The following TMEM243 variants were observed in gnomAD, a reference collection of about 807,000 sequenced individuals.
The protein encoded by TMEM243 is MDR1 and mitochondrial taxol resistance associated.
TMEM243 carries 20 observed loss-of-function variants against 15.0 expected under a neutral mutation model. That is an observed-to-expected ratio of 1.33 (90% CI 0.94 to 1.93). TMEM243 has a LOEUF of 1.93. Ranked by LOEUF, TMEM243 falls within the 30% of genes most tolerant of loss-of-function variation. The pLI is 0.00. For synonymous variants in TMEM243, 72 were observed against 52.7 expected (o/e 1.37, Z -1.59); for missense variants, 156 against 142.1 (o/e 1.10, Z -0.50).
Position 87,197,709 on chromosome 7 carries a change from T to TA in TMEM243, c.234+231_234+232insT, listed in dbSNP as rs1584511353. 3.6e-6 allele frequency: 4 copies of TA among 1,097,250 alleles called. No homozygotes were observed. In the East Asian group the frequency reaches 1.6e-4, roughly 45 times the overall value. The allele number at this position is 1,097,250 out of a possible 1,614,324, so 68.0% of individuals were successfully genotyped here. ...ACTAATTTTTTTTTTTTTTTTTTTT[T>TA]TTTTTTTAAGCTATCAAGGGAGTGG... On this transcript the variant is annotated intron_variant, in intron 3 of 3. Coordinates refer to ENST00000257637, the MANE Select transcript of TMEM243 (RefSeq NM_024315.4).
chr7:87,197,831 G>A (rs75771893), intron 3 of TMEM243, 110 bp downstream of exon 3: 83,754 of 1,565,940 alleles, frequency 0.053, 2,625 homozygotes, highest in Non-Finnish European at 0.06. Flanking sequence ...GGAGGATGAG[G>A]ATATAATTAA....
intron 1 of TMEM243, among the ~76,000 whole-genome samples, chr7:87,208,009 T>C (rs1286989775): frequency 6.6e-6 from 1 of 151,938 alleles, no homozygotes; most frequent in Admixed American, 6.6e-5. Flanking sequence ...TTCAATCATC[T>C]CCCACCGGGT....
chr7:87,209,613 A>C, intron 1 of TMEM243, among the ~76,000 whole-genome samples: 1 of 129,216 alleles, frequency 7.7e-6, no homozygotes, highest in African/African-American at 3.5e-5. Context: ...AGAGAGAGAC[A>C]GAGAGAGAGA....
rs34026359 is a variant in TMEM243, at chr7:87,197,716, T to TA, written c.234+224dup. The TA allele has an allele frequency of 6.7e-5, 8 of 119,032 alleles. No homozygotes were observed. In the Admixed American group the frequency reaches 1.8e-3, roughly 26 times the overall value. The allele number at this position is 119,032 out of a possible 1,614,324, so 7.4% of individuals were successfully genotyped here. A position where few individuals can be genotyped will look rare whatever the true frequency, so the allele number is the denominator to read the frequency against. On this transcript the variant is annotated intron_variant, in intron 3 of 3. Coordinates refer to ENST00000257637, the MANE Select transcript of TMEM243 (RefSeq NM_024315.4). ...TTTTTTTTTTTTTTTTTTTTTTTTT[T>TA]AAGCTATCAAGGGAGTGGAATTTCT...
In TMEM243 at chr7:87,196,613, G is replaced by A. The variant is rs1801264262; in HGVS notation, c.*23C>T. The A allele has an allele frequency of 1.2e-6, 2 of 1,605,616 alleles. No individual in the cohort carries two copies. The highest frequency in any genetic ancestry group is 1.7e-4 in the Middle Eastern group (1 of 6,036). ...TAATGTATCATTTTGAAGAGTCCTG[G>A]TAAGTACTTCTCCTTGGCAGCCTCA... On this transcript the variant is annotated 3_prime_UTR_variant, in exon 4 of 4. Coordinates refer to ENST00000257637, the MANE Select transcript of TMEM243 (RefSeq NM_024315.4).
upstream of TMEM243, among the ~76,000 whole-genome samples, chr7:87,219,927 C>T (rs960348296): frequency 1.8e-4 from 27 of 152,368 alleles, no homozygotes; most frequent in Admixed American, 4.6e-4. Context: ...GACTCCCACA[C>T]GTCGCCCCCC....
intron 1 of TMEM243, among the ~76,000 whole-genome samples, chr7:87,209,681 ACACAGCGAGAGAGC>A: frequency 1.6e-5 from 2 of 121,506 alleles, no homozygotes; most frequent in Non-Finnish European, 3.6e-5. Context: ...CGAGAGCGAG[ACACAGCGAGAGAGC>A]GAGACACAGT....
At chr7:87,203,081 CCCTCAGCT>C (rs1409934775) in intron 1 of TMEM243, 9 of 152,366 alleles carry the variant, frequency 5.9e-5, no homozygotes, top group African/African-American at 2.2e-4. Flanking sequence ...GCTAGCTCTG[CCCTCAGCT>C]CCTCAGCTCC....
At position 87,219,603 on chromosome 7, in the gene TMEM243, C is replaced by T. The variant is rs755783344; in HGVS notation, c.-100G>A. ...CTGCAAGCCTCCTCCTCACGGCTCC[C>T]GCATAGCCGAACCCGAGTGGTCGGG... On this transcript the variant is annotated 5_prime_UTR_variant, in exon 1 of 4. Transcript: ENST00000257637. 3.7e-6 allele frequency: 4 copies of T among 1,088,664 alleles called. No homozygotes were observed. The highest frequency in any genetic ancestry group is 5.1e-5 in the East Asian group (2 of 39,232). The allele number at this position is 1,088,664 out of a possible 1,614,324, so 67.4% of individuals were successfully genotyped here. A position where few individuals can be genotyped will look rare whatever the true frequency, so the allele number is the denominator to read the frequency against.
intron 1 of TMEM243, among the ~76,000 whole-genome samples, chr7:87,202,549 T>C (rs1801891577): frequency 6.6e-6 from 1 of 152,244 alleles, no homozygotes; most frequent in Non-Finnish European, 1.5e-5. Flanking sequence ...TCTGGAATGG[T>C]GGAAAGCAAG....
chr7:87,211,627 A>C (rs990641787), intron 1 of TMEM243, among the ~76,000 whole-genome samples: 1 of 152,262 alleles, frequency 6.6e-6, no homozygotes, highest in Admixed American at 6.5e-5. Context: ...AGGAAAAAGC[A>C]TAACGAGAGG....
At chr7:87,211,410 T>C (rs1198689114) in intron 1 of TMEM243, among the ~76,000 whole-genome samples, 2 of 152,182 alleles carry the variant, frequency 1.3e-5, no homozygotes, top group African/African-American at 4.8e-5. Context: ...CTTCCTACCA[T>C]TGTTTACCTG....
chr7:87,199,071 G>T lies in TMEM243; in HGVS notation c.79-14C>A, dbSNP rs750883553. On this transcript the variant is annotated splice_polypyrimidine_tract_variant and intron_variant, in intron 1 of 3. Transcript: ENST00000257637. ...GATGATTCGATCCTGAAAGAGAAAAGAATTTTTAAGCCATATGACTTGGAT... is the reference window on the plus strand; with the variant it reads ...GATGATTCGATCCTGAAAGAGAAAATAATTTTTAAGCCATATGACTTGGAT... The T allele has an allele frequency of 5.6e-6, 9 of 1,601,624 alleles. 1 individual carries two copies. In the Admixed American group the frequency reaches 1.4e-4, roughly 25 times the overall value.
chr7:87,202,323 G>A (rs1801877499), intron 1 of TMEM243, among the ~76,000 whole-genome samples: 1 of 152,072 alleles, frequency 6.6e-6, no homozygotes, highest in African/African-American at 2.4e-5. Context: ...GTTCATGAAA[G>A]GAATTCCACA....
At chr7:87,214,680 A>G (rs947215113) in intron 1 of TMEM243, among the ~76,000 whole-genome samples, 1 of 152,246 alleles carries the variant, frequency 6.6e-6, no homozygotes, top group Non-Finnish European at 1.5e-5. Flanking sequence ...AAACTTGGTT[A>G]TGGAATCACC....
At chr7:87,197,766 T>C (rs892220182) in intron 3 of TMEM243, 175 bp downstream of exon 3, 1 of 1,428,674 alleles carries the variant, frequency 7.0e-7, no homozygotes, top group Non-Finnish European at 9.2e-7. Context: ...CTTTGGGATT[T>C]AGGAGAAAAG....
rs763611604 is a variant in TMEM243 at position 87,199,061 on chromosome 7, A to C, written c.79-4T>G. 2 of 1,604,168 alleles carry C rather than the reference A, an allele frequency of 1.2e-6. No individual in the cohort carries two copies. The highest frequency in any genetic ancestry group is 1.1e-5 in the South Asian group (1 of 89,304). The stretch of plus-strand genomic sequence containing the variant: ...CAACTAAATTGATGATTCGATCCTG[A>C]AAGAGAAAAGAATTTTTAAGCCATA... On this transcript the variant is annotated splice_region_variant and splice_polypyrimidine_tract_variant and intron_variant, in intron 1 of 3. Transcript: ENST00000257637.
chr7:87,217,450 C>A (rs1803192165), intron 1 of TMEM243, among the ~76,000 whole-genome samples: 2 of 152,200 alleles, frequency 1.3e-5, no homozygotes, highest in African/African-American at 4.8e-5. Context: ...CTGGGCCTTA[C>A]CCTCCTCAGG....
intron 2 of TMEM243, 138 bp from the exon 3 acceptor site, chr7:87,198,183 G>A: frequency 1.6e-6 from 1 of 617,240 alleles, no homozygotes; most frequent in Non-Finnish European, 2.8e-6. Flanking sequence ...TTTCTAGAAT[G>A]TTAATACAGT....
Sources: allele counts gnomAD v4.1 joint callset (sites outside exome capture counted in the v4.1 genomes callset), GRCh38; gene constraint gnomAD v4.1.1; transcripts MANE v1.5; gene names NCBI Gene and HGNC (gene_info 2026-07-23, HGNC 2026-07-21).